The following SGCD variants were observed in gnomAD, a reference collection of about 807,000 sequenced individuals.
The protein encoded by SGCD is delta-sarcoglycan.
A neutral mutation model predicts 36.6 loss-of-function variants in SGCD; 18 were observed. That is an observed-to-expected ratio of 0.49 (90% confidence interval 0.34 to 0.73). The LOEUF is 0.73. Ranked by LOEUF, SGCD falls within the 30% of genes least tolerant of loss-of-function variation. The probability of loss-of-function intolerance (pLI) is 0.01; values close to 1 mark genes in which losing one functional copy is unlikely to be tolerated. For synonymous variants in SGCD, 133 were observed against 130.6 expected (o/e 1.02, Z -0.12); for missense variants, 387 against 346.7 (o/e 1.12, Z -0.92).
intron 4 of SGCD, among the ~76,000 whole-genome samples, chr5:156,542,272 T>C (rs1293847203): frequency 6.6e-6 from 1 of 152,116 alleles, no homozygotes; most frequent in Non-Finnish European, 1.5e-5. Flanking sequence ...AAAAAATTAT[T>C]TGGACAAAGC....
chr5:156,708,036 T>C (rs968300601), intron 7 of SGCD, among the ~76,000 whole-genome samples: 2 of 152,166 alleles, frequency 1.3e-5, no homozygotes, highest in African/African-American at 2.4e-5. Flanking sequence ...CTGATCCTGA[T>C]TAAGCCAAAG....
chr5:155,759,492 A>G, the SGCD span, among the ~76,000 whole-genome samples: 1 of 152,082 alleles, frequency 6.6e-6, no homozygotes, highest in Non-Finnish European at 1.5e-5. Flanking sequence ...TTTTTGAAAA[A>G]CTGTTTCTGA....
chr5:156,483,052 C>T (rs1755508781), intron 3 of SGCD, among the ~76,000 whole-genome samples: 1 of 152,034 alleles, frequency 6.6e-6, no homozygotes, highest in Non-Finnish European at 1.5e-5. Flanking sequence ...ACATTCTTGC[C>T]TCATCTAGGC....
intron 7 of SGCD, among the ~76,000 whole-genome samples, chr5:156,691,452 A>G (rs1005106748): frequency 1.2e-4 from 18 of 152,312 alleles, no homozygotes; most frequent in Admixed American, 2.6e-4. Flanking sequence ...ATAAGGGTCA[A>G]TAAATTTTTT....
intron 7 of SGCD, among the ~76,000 whole-genome samples, chr5:156,726,434 A>G (rs1346716457): frequency 5.3e-5 from 8 of 152,086 alleles, no homozygotes; most frequent in Admixed American, 5.2e-4. Context: ...TGTGTACCAC[A>G]CTCTGCAATC....
chr5:156,471,513 G>A (rs372378098), intron 3 of SGCD, among the ~76,000 whole-genome samples: 13 of 152,152 alleles, frequency 8.5e-5, no homozygotes, highest in South Asian at 4.2e-4. Flanking sequence ...CACACATACC[G>A]TCAATTGATT....
At position 156,054,379 on chromosome 5, in the gene SGCD, G is replaced by A. The variant is rs906652106; in HGVS notation, c.-281-63499G>A. Among the ~76,000 whole-genome samples the A allele has an allele frequency of 6.4e-5, 9 of 140,914 alleles. 1 individual carries two copies. Among genetic ancestry groups the A allele is most frequent in the Non-Finnish European group, 1.3e-4 (8 of 63,188 alleles). The allele number at this position is 140,914 out of a possible 152,430, so 92.4% of individuals were successfully genotyped here. A position where few individuals can be genotyped will look rare whatever the true frequency, so the allele number is the denominator to read the frequency against. On this transcript the variant is annotated intron_variant, in intron 1 of 9. Transcript: ENST00000517913. ...CGGCTCACGGCAAGCTCCGCCTCCC[G>A]GGTTCACGCCATTCTCCTGCCTCAG...
At chr5:156,676,771 A>G (rs1369772967) in intron 7 of SGCD, among the ~76,000 whole-genome samples, 2 of 152,162 alleles carry the variant, frequency 1.3e-5, no homozygotes, top group African/African-American at 2.4e-5. Context: ...GAATGGGTGA[A>G]CTCTAGCTGA....
chr5:155,783,497 C>G, the SGCD span, among the ~76,000 whole-genome samples: 2 of 151,830 alleles, frequency 1.3e-5, no homozygotes, highest in Non-Finnish European at 2.9e-5. Flanking sequence ...TGGCCTAGTA[C>G]AGAATTCCCA....
At chr5:156,147,494 A>G (rs77413324) in intron 3 of SGCD, among the ~76,000 whole-genome samples, 1 of 152,162 alleles carries the variant, frequency 6.6e-6, no homozygotes, top group African/African-American at 2.4e-5. Flanking sequence ...CAATAACCAC[A>G]TTTTTAAATT....
chr5:156,036,653 T>C (rs1458041496), intron 1 of SGCD, among the ~76,000 whole-genome samples: 6 of 152,200 alleles, frequency 3.9e-5, no homozygotes, highest in African/African-American at 1.4e-4. Context: ...ACTTTCTTGC[T>C]TCATGGGTTA....
the SGCD span, among the ~76,000 whole-genome samples, chr5:155,778,986 C>G: frequency 6.6e-6 from 1 of 152,226 alleles, no homozygotes; most frequent in East Asian, 1.9e-4. Context: ...GAAGATCTCT[C>G]AAAATAAATT....
intron 3 of SGCD, among the ~76,000 whole-genome samples, chr5:156,447,629 A>T (rs1753802675): frequency 6.6e-6 from 1 of 152,182 alleles, no homozygotes; most frequent in African/African-American, 2.4e-5. Flanking sequence ...AGGGAGGGGA[A>T]AAACACACAC....
At chr5:155,815,248 G>T in the SGCD span, among the ~76,000 whole-genome samples, 1 of 152,058 alleles carries the variant, frequency 6.6e-6, no homozygotes, top group Non-Finnish European at 1.5e-5. Context: ...TTGCCTGTTT[G>T]CTATATATTC....
intron 6 of SGCD, among the ~76,000 whole-genome samples, chr5:156,610,178 C>T (rs1323348466): frequency 1.3e-5 from 2 of 152,130 alleles, no homozygotes; most frequent in African/African-American, 4.8e-5. Flanking sequence ...GTAGTTTTAT[C>T]TACCTTTGGT....
intron 3 of SGCD, among the ~76,000 whole-genome samples, chr5:156,159,467 C>T (rs1319333717): frequency 2.6e-5 from 4 of 151,342 alleles, no homozygotes. Context: ...TTTCTCTGAA[C>T]CACTCATAAA....
chr5:155,911,707 A>C (rs983439464), intron 1 of SGCD, among the ~76,000 whole-genome samples: 1 of 152,028 alleles, frequency 6.6e-6, no homozygotes, highest in Non-Finnish European at 1.5e-5. Context: ...CCAAGAGAAC[A>C]CCAAATGCTA....
intron 7 of SGCD, among the ~76,000 whole-genome samples, chr5:156,729,770 T>TAACA (rs1004100848): frequency 4.6e-5 from 7 of 152,184 alleles, no homozygotes; most frequent in Admixed American, 6.6e-5. Flanking sequence ...AAATAACTTC[T>TAACA]AACATCCCAT....
intron 1 of SGCD, among the ~76,000 whole-genome samples, chr5:155,976,358 A>G (rs1363804179): frequency 6.6e-6 from 1 of 152,188 alleles, no homozygotes; most frequent in Non-Finnish European, 1.5e-5. Flanking sequence ...AGAAAAAGAG[A>G]CACAAAACAA....
Sources: gnomAD v4.1 joint callset for allele counts (sites outside exome capture counted in the v4.1 genomes callset) on GRCh38, gnomAD v4.1.1 for gene constraint, MANE v1.5 for transcripts, NCBI Gene and HGNC (gene_info 2026-07-23, HGNC 2026-07-21) for gene names.